SEMA3C: variants seen among roughly 807,000 people sequenced by gnomAD.
SEMA3C encodes the protein semaphorin-3C.
Under a neutral mutation model 89.4 loss-of-function variants are expected in SEMA3C, and 47 were observed. That is an observed-to-expected ratio of 0.53 (90% CI 0.42 to 0.67). The LOEUF is 0.67. Ranked by LOEUF, SEMA3C falls within the 30% of genes least tolerant of loss-of-function variation. The pLI, the probability that SEMA3C is intolerant of heterozygous loss-of-function variation, is 0.00. For missense variants in SEMA3C, 839 were observed against 929.1 expected, an observed-to-expected ratio of 0.90 and a Z score of 1.26; for synonymous variants, 310 against 320.2, an observed-to-expected ratio of 0.97 and a Z score of 0.34.
chr7:80,902,832 T>C (rs1791915658), intron 2 of SEMA3C, among the ~76,000 whole-genome samples: 1 of 152,180 alleles, frequency 6.6e-6, no homozygotes, highest in Admixed American at 6.5e-5. Flanking sequence ...TTGTTGAGTA[T>C]ACCAAAACAG....
chr7:80,828,410 G>A (rs548852043), intron 3 of SEMA3C, among the ~76,000 whole-genome samples, 175 bp downstream of exon 3: 128 of 152,172 alleles, frequency 8.4e-4, no homozygotes, highest in Middle Eastern at 3.4e-3. Context: ...TAGACGATGA[G>A]AACTGAACTT....
chr7:80,897,819 T>C (rs777785608), intron 2 of SEMA3C, among the ~76,000 whole-genome samples: 49 of 152,308 alleles, frequency 3.2e-4, no homozygotes, highest in Non-Finnish European at 6.0e-4. Flanking sequence ...TTGTGAAGTG[T>C]CTTTATTGAT....
At chr7:80,802,593 G>C (rs764431128) in intron 9 of SEMA3C, 72 bp downstream of exon 9, 139 of 906,074 alleles carry the variant, frequency 1.5e-4, no homozygotes, top group Middle Eastern at 2.3e-4. Flanking sequence ...ATCTTCTTTT[G>C]AGACCTTATT....
intron 2 of SEMA3C, among the ~76,000 whole-genome samples, chr7:80,874,570 G>C (rs1053887325): frequency 6.6e-6 from 1 of 151,766 alleles, no homozygotes; most frequent in Non-Finnish European, 1.5e-5. Flanking sequence ...AGGTTCAAGC[G>C]ATTCTCCTGC....
intron 11 of SEMA3C, among the ~76,000 whole-genome samples, chr7:80,796,152 G>A (rs1313831642): frequency 2.0e-5 from 3 of 152,092 alleles, no homozygotes; most frequent in Admixed American, 6.5e-5. Context: ...GAAAGCACAC[G>A]TAATCACAAC....
intron 1 of SEMA3C, among the ~76,000 whole-genome samples, chr7:80,917,025 G>A (rs1200304726): frequency 6.6e-6 from 1 of 152,160 alleles, no homozygotes; most frequent in Non-Finnish European, 1.5e-5. Flanking sequence ...TTTGCAACAA[G>A]AGAAACTTTC....
intron 4 of SEMA3C, among the ~76,000 whole-genome samples, chr7:80,821,865 T>A (rs1789756395): frequency 6.6e-6 from 1 of 152,154 alleles, no homozygotes. Context: ...ATGGCCACTC[T>A]CCACTGTGCA....
chr7:80,805,563 C>T, intron 7 of SEMA3C, 76 bp downstream of exon 7: 25 of 1,268,246 alleles, frequency 2.0e-5, no homozygotes, highest in South Asian at 7.0e-5. Context: ...AACCATTTTC[C>T]CTAGTTGTTA....
At chr7:80,763,107 T>C (rs1264901038) in intron 13 of SEMA3C, among the ~76,000 whole-genome samples, 1 of 152,218 alleles carries the variant, frequency 6.6e-6, no homozygotes, top group Admixed American at 6.5e-5. Context: ...CTTCTAATTC[T>C]AGTTAAACTC....
At chr7:80,842,906 C>A (rs938363628) in intron 2 of SEMA3C, among the ~76,000 whole-genome samples, 5 of 152,114 alleles carry the variant, frequency 3.3e-5, no homozygotes, top group African/African-American at 1.2e-4. Context: ...TAAAACTCTG[C>A]AAGCTTTGTT....
intron 14 of SEMA3C, 72 bp from the exon 15 acceptor site, chr7:80,758,560 T>A: frequency 7.2e-7 from 1 of 1,389,482 alleles, no homozygotes; most frequent in Non-Finnish European, 1.0e-6. Context: ...GAACACATTA[T>A]AATATATGCC....
At chr7:80,749,846 C>T (rs1787885415) in intron 16 of SEMA3C, among the ~76,000 whole-genome samples, 1 of 152,094 alleles carries the variant, frequency 6.6e-6, no homozygotes, top group African/African-American at 2.4e-5. Context: ...AAGCACTTAG[C>T]TCAGGTTCTG....
At chr7:80,815,194 G>C (rs1003575601) in intron 5 of SEMA3C, among the ~76,000 whole-genome samples, 3 of 152,064 alleles carry the variant, frequency 2.0e-5, no homozygotes, top group Admixed American at 1.3e-4. Context: ...TAAAAAGTAG[G>C]CATAGCAAAG....
Position 80,866,660 on chromosome 7 carries a change from G to T in SEMA3C, c.104-37915C>A, listed in dbSNP as rs1325439319. 2.0e-5 allele frequency among the ~76,000 whole-genome samples: 3 copies of T among 152,120 alleles called. No homozygotes were observed. The East Asian group carries it at 5.8e-4, about 29-fold the overall frequency. ...CTGAAAGCTGTCTATGCATTCCAAA[G>T]AAGCAAATAGTAACTTGGTGTTGAG... On this transcript the variant is annotated intron_variant, in intron 2 of 17. Transcript: ENST00000265361.
At chr7:80,791,354 ATGT>A (rs1168723473) in intron 11 of SEMA3C, among the ~76,000 whole-genome samples, 1 of 152,194 alleles carries the variant, frequency 6.6e-6, no homozygotes. Flanking sequence ...ACTATTAATA[ATGT>A]TATTAAATAC....
At chr7:80,784,799 C>T (rs1341573545) in intron 12 of SEMA3C, among the ~76,000 whole-genome samples, 1 of 152,106 alleles carries the variant, frequency 6.6e-6, no homozygotes. Context: ...ATATAATCTT[C>T]ACTGCTCATG....
chr7:80,902,734 C>G (rs1013266585), intron 2 of SEMA3C, among the ~76,000 whole-genome samples: 4 of 152,148 alleles, frequency 2.6e-5, no homozygotes, highest in Non-Finnish European at 5.9e-5. Context: ...TTCCCATTTC[C>G]AGGCTCCAGT....
chr7:80,767,817 T>C (rs559512422), intron 12 of SEMA3C, among the ~76,000 whole-genome samples: 2 of 152,202 alleles, frequency 1.3e-5, no homozygotes, highest in African/African-American at 2.4e-5. Context: ...ACATCTCAAG[T>C]TGGCTTCTAT....
intron 12 of SEMA3C, among the ~76,000 whole-genome samples, chr7:80,770,500 C>T (rs1268292622): frequency 1.3e-5 from 2 of 152,172 alleles, no homozygotes; most frequent in South Asian, 2.1e-4. Context: ...TTCTTTAAAC[C>T]TCACTTTGCT....
Sources: allele counts gnomAD v4.1 joint callset (sites outside exome capture counted in the v4.1 genomes callset), GRCh38; gene constraint gnomAD v4.1.1; transcripts MANE v1.5; gene names NCBI Gene and HGNC (gene_info 2026-07-23, HGNC 2026-07-21).